The following AHR variants were observed in gnomAD, a reference collection of about 807,000 sequenced individuals.
AHR encodes the protein aryl hydrocarbon receptor.
In AHR, 40 loss-of-function variants were observed where a neutral mutation model predicts 86.8. The observed-to-expected ratio is 0.46, with a 90% confidence interval of 0.36 to 0.60. The LOEUF (loss-of-function observed/expected upper bound fraction) is 0.60, where lower values mean the gene tolerates loss of function less well. Ranked by LOEUF, AHR falls within the 20% of genes least tolerant of loss-of-function variation. The pLI is 0.00. For missense variants in AHR, 1,001 were observed against 1,011.6 expected (o/e 0.99, Z 0.14); for synonymous variants, 398 against 354.9 (o/e 1.12, Z -1.37).
chr7:17,299,157 G>A lies in AHR; in HGVS notation c.-108G>A, dbSNP rs937034081. 1.6e-6 allele frequency: 2 copies of A among 1,269,030 alleles called. No individual in the cohort carries two copies. The highest frequency in any genetic ancestry group is 1.6e-5 in the African/African-American group (1 of 63,054). The allele number at this position is 1,269,030 out of a possible 1,614,324, so 78.6% of individuals were successfully genotyped here. On this transcript the variant is annotated 5_prime_UTR_variant, in exon 1 of 11. Coordinates refer to ENST00000242057, the MANE Select transcript of AHR (RefSeq NM_001621.5). ...AGAGGACGCAGGTGGAGCGGGCGCG[G>A]CTTCGCGGAACCCGGCGCCGGCCGC...
At chr7:17,328,721 T>C (rs1782254081) in intron 4 of AHR, among the ~76,000 whole-genome samples, 1 of 151,904 alleles carries the variant, frequency 6.6e-6, no homozygotes, top group Admixed American at 6.6e-5. Context: ...CTATATTATA[T>C]ACCCAGTGGA....
rs1304859069 is a variant in AHR, at chr7:17,340,023, C to A, written c.2198C>A (p.Ser733Tyr). ...GAACCATCCCCATACCCCACTACTT[C>A]TAGTTTAGAAGATTTTGTCACTTGT... ...SFEPSPYPTT[S>Y]SLEDFVTCLQ... is the part of the protein sequence containing the mutation. Residue 733 changes from serine (S) to tyrosine (Y), a missense_variant, in exon 10 of 11, where the codon TCT becomes TAT. Physicochemically the swap from Ser to Tyr is moderately radical, Grantham distance 144. This residue lies in a region of AHR where 607 missense variants were observed against 543.1 expected (regional missense o/e 1.12). Transcript: ENST00000242057. 3 of 1,614,086 alleles carry A rather than the reference C, an allele frequency of 1.9e-6. No homozygotes were observed. The highest frequency in any genetic ancestry group is 2.5e-6 in the Non-Finnish European group (3 of 1,180,022).
chr7:17,316,349 T>C (rs1782114974), intron 2 of AHR, among the ~76,000 whole-genome samples: 1 of 152,198 alleles, frequency 6.6e-6, no homozygotes, highest in African/African-American at 2.4e-5. Context: ...CTGGGCTCTG[T>C]GGCTCATGCC....
chr7:17,304,899 G>C, intron 1 of AHR, among the ~76,000 whole-genome samples: 1 of 152,098 alleles, frequency 6.6e-6, no homozygotes, highest in Middle Eastern at 3.4e-3. Flanking sequence ...ATGCGGGTTC[G>C]AGGGGGAATA....
At chr7:17,322,380 C>T (rs1009328270) in intron 2 of AHR, 121 bp from the exon 3 acceptor site, 2 of 654,848 alleles carry the variant, frequency 3.1e-6, no homozygotes, top group African/African-American at 3.7e-5. Context: ...TAGCCAAATA[C>T]TAAAAATACC....
chr7:17,313,328 A>G (rs959534419), intron 2 of AHR, among the ~76,000 whole-genome samples: 1 of 152,156 alleles, frequency 6.6e-6, no homozygotes, highest in Non-Finnish European at 1.5e-5. Flanking sequence ...CTCTTCCACT[A>G]TTAGGGAAAC....
chr7:17,328,268 C>T (rs1045434977), intron 4 of AHR, among the ~76,000 whole-genome samples: 1 of 151,784 alleles, frequency 6.6e-6, no homozygotes, highest in Non-Finnish European at 1.5e-5. Flanking sequence ...ATGGAAGTTA[C>T]CCTAAATCAA....
chr7:17,300,168 T>C (rs1781940225), intron 1 of AHR, among the ~76,000 whole-genome samples: 2 of 152,184 alleles, frequency 1.3e-5, no homozygotes, highest in African/African-American at 4.8e-5. Context: ...TGTCGGTTGA[T>C]TTTGGTGGAA....
intron 1 of AHR, among the ~76,000 whole-genome samples, chr7:17,307,685 C>G (rs1478902523): frequency 6.6e-6 from 1 of 152,064 alleles, no homozygotes. Flanking sequence ...AGAGGAGTGA[C>G]ACAGTCAGAT....
intron 2 of AHR, among the ~76,000 whole-genome samples, chr7:17,321,018 C>T (rs1782167127): frequency 1.3e-5 from 2 of 152,106 alleles, no homozygotes; most frequent in African/African-American, 4.8e-5. Context: ...ATGTGGAACT[C>T]TGCTCAGACT....
intron 1 of AHR, 83 bp downstream of exon 1, chr7:17,299,412 A>G: frequency 6.8e-7 from 1 of 1,468,202 alleles, no homozygotes; most frequent in Non-Finnish European, 9.3e-7. Context: ...CCCGCCCCCA[A>G]ATCCCTGCGA....
chr7:17,300,863 A>C (rs1781948369), intron 1 of AHR, among the ~76,000 whole-genome samples: 1 of 152,108 alleles, frequency 6.6e-6, no homozygotes, highest in Non-Finnish European at 1.5e-5. Flanking sequence ...GTGAGAAAAC[A>C]TGAAGATCTC....
intron 6 of AHR, among the ~76,000 whole-genome samples, chr7:17,331,784 A>G (rs1782298199): frequency 6.6e-6 from 1 of 151,988 alleles, no homozygotes; most frequent in Non-Finnish European, 1.5e-5. Flanking sequence ...ATCTCATTGT[A>G]TCCTTAGCTC....
At position 17,346,147 on chromosome 7, in the gene AHR, A is replaced by G. The variant is rs928852214; in HGVS notation, c.*3083A>G. The G allele has an allele frequency of 1.3e-5, 2 of 152,286 alleles. No individual in the cohort carries two copies. Among genetic ancestry groups the G allele is most frequent in the African/African-American group, 4.8e-5 (2 of 41,436 alleles). 9.4% of individuals were successfully genotyped at this position (152,286 alleles called of 1,614,324 possible). On this transcript the variant is annotated 3_prime_UTR_variant, in exon 11 of 11. Transcript: ENST00000242057. ...ATATATAATAAAATAACAAATATGA[A>G]TAATATGTTTTAATGTAAATTCTTT...
rs1243330073 is a variant in AHR, at chr7:17,343,760, T to G, written c.*696T>G. 1.3e-5 allele frequency: 2 copies of G among 152,664 alleles called. No homozygotes were observed. The highest frequency in any genetic ancestry group is 4.8e-5 in the African/African-American group (2 of 41,442). The allele number at this position is 152,664 out of a possible 1,614,324, so 9.5% of individuals were successfully genotyped here. On this transcript the variant is annotated 3_prime_UTR_variant, in exon 11 of 11. Coordinates refer to ENST00000242057, the MANE Select transcript of AHR (RefSeq NM_001621.5). ...TTCATTAATTCAGGCATATTTTAAC[T>G]CCACTGCTTACCTACTTTCTTCAGG... is the stretch of plus-strand genomic sequence containing the variant.
intron 3 of AHR, among the ~76,000 whole-genome samples, chr7:17,323,876 T>C (rs896128228): frequency 6.6e-6 from 1 of 152,206 alleles, no homozygotes; most frequent in African/African-American, 2.4e-5. Flanking sequence ...GGAAAGCATT[T>C]TAATAATTGC....
intron 1 of AHR, among the ~76,000 whole-genome samples, chr7:17,308,967 C>T (rs1046343466): frequency 5.3e-5 from 8 of 152,196 alleles, no homozygotes; most frequent in Non-Finnish European, 8.8e-5. Flanking sequence ...AATTACTCTT[C>T]TGGCTAACAG....
chr7:17,334,263 T>G (rs1005684703), intron 7 of AHR, 149 bp downstream of exon 7: 2 of 698,088 alleles, frequency 2.9e-6, no homozygotes, highest in Non-Finnish European at 4.6e-6. Context: ...CCTTTTACAG[T>G]AAAATAATTT....
chr7:17,327,715 A>G (rs750820821), intron 3 of AHR, 44 bp from the exon 4 acceptor site: 2 of 1,106,506 alleles, frequency 1.8e-6, no homozygotes, highest in East Asian at 2.4e-5. Context: ...CTGATGGTCA[A>G]TATTAAGTCA....
Sources: gnomAD v4.1 joint callset for allele counts (sites outside exome capture counted in the v4.1 genomes callset) on GRCh38, gnomAD v4.1.1 for gene constraint, gnomAD v4.1.1 regional missense constraint, MANE v1.5 for transcripts, NCBI Gene and HGNC (gene_info 2026-07-23, HGNC 2026-07-21) for gene names.